The following LRRFIP1 variants were observed in gnomAD, a reference collection of about 807,000 sequenced individuals.
The protein encoded by LRRFIP1 is leucine-rich repeat flightless-interacting protein 1.
A neutral mutation model predicts 104.4 loss-of-function variants in LRRFIP1; 62 were observed. The ratio of observed to expected loss-of-function variants is 0.59; its 90% CI spans 0.48 to 0.73. The LOEUF is 0.73. LRRFIP1 is among the 30% of genes least tolerant of loss of function. LRRFIP1 has a pLI of 0.00. For synonymous variants in LRRFIP1, 300 were observed against 299.0 expected, an observed-to-expected ratio of 1.00 and a Z score of -0.03; for missense variants, 796 against 824.5, an observed-to-expected ratio of 0.97 and a Z score of 0.42.
At chr2:237,774,973 C>T (rs186984159) in intron 23 of LRRFIP1, among the ~76,000 whole-genome samples, 12 of 152,384 alleles carry the variant, frequency 7.9e-5, no homozygotes, top group African/African-American at 2.6e-4. Flanking sequence ...AAAACACATA[C>T]TTTACCTTAC....
At chr2:237,774,113 ACCAC>A in intron 22 of LRRFIP1, 1 of 470,072 alleles carries the variant, frequency 2.1e-6, no homozygotes, top group Non-Finnish European at 3.8e-6. Flanking sequence ...CACTGCAGAA[ACCAC>A]CCTGGTGGAC....
intron 1 of LRRFIP1, among the ~76,000 whole-genome samples, chr2:237,656,780 A>C (rs1241943517): frequency 6.6e-6 from 1 of 152,250 alleles, no homozygotes; most frequent in African/African-American, 2.4e-5. Context: ...CTAGACAAAA[A>C]TTAAATGTGC....
At chr2:237,642,055 G>T (rs186206774) in intron 1 of LRRFIP1, among the ~76,000 whole-genome samples, 2 of 152,318 alleles carry the variant, frequency 1.3e-5, no homozygotes, top group East Asian at 3.9e-4. Context: ...GGTCAGCATT[G>T]GGTGCTGCGG....
At chr2:237,760,640 T>A (rs2059760628) in intron 19 of LRRFIP1, among the ~76,000 whole-genome samples, 1 of 152,204 alleles carries the variant, frequency 6.6e-6, no homozygotes, top group Non-Finnish European at 1.5e-5. Context: ...TTGGCCATAT[T>A]TGCAAGCCAA....
chr2:237,739,426 AT>A, intron 11 of LRRFIP1, 117 bp downstream of exon 11: 2 of 917,988 alleles, frequency 2.2e-6, no homozygotes, highest in Non-Finnish European at 3.2e-6. Flanking sequence ...TATTATTAGG[AT>A]TACATTGCTC....
intron 17 of LRRFIP1, among the ~76,000 whole-genome samples, chr2:237,757,818 G>A (rs897239783): frequency 3.3e-5 from 5 of 152,076 alleles, no homozygotes; most frequent in African/African-American, 7.2e-5. Flanking sequence ...TGGCTGGGCC[G>A]GGCCGGTGGT....
intron 1 of LRRFIP1, among the ~76,000 whole-genome samples, chr2:237,641,098 T>C (rs2083890787): frequency 6.6e-6 from 1 of 151,990 alleles, no homozygotes; most frequent in Non-Finnish European, 1.5e-5. Flanking sequence ...TCATCAATAA[T>C]ATTCTTTTAA....
intron 8 of LRRFIP1, among the ~76,000 whole-genome samples, chr2:237,730,191 CAG>C (rs776318166): frequency 3.9e-5 from 6 of 152,088 alleles, no homozygotes; most frequent in Non-Finnish European, 7.4e-5. Flanking sequence ...TTTCTGAAAA[CAG>C]AACTACTTTG....
intron 11 of LRRFIP1, among the ~76,000 whole-genome samples, chr2:237,743,946 C>T (rs1213226444): frequency 6.6e-6 from 1 of 152,174 alleles, no homozygotes; most frequent in East Asian, 1.9e-4. Context: ...AGGAATGTCC[C>T]AAGGGCAGCC....
chr2:237,728,545 G>A (rs76070834), intron 8 of LRRFIP1, among the ~76,000 whole-genome samples: 335 of 151,658 alleles, frequency 2.2e-3, no homozygotes, highest in Middle Eastern at 0.014. Context: ...GGGTGGGGAG[G>A]GCTTTGGATT....
chr2:237,741,736 A>G (rs57366629), intron 11 of LRRFIP1, among the ~76,000 whole-genome samples: 7,384 of 152,126 alleles, frequency 0.049, 197 homozygotes, highest in Middle Eastern at 0.13. Flanking sequence ...GCTGAGGCTG[A>G]AGAATCACTT....
chr2:237,677,621 A>C (rs892972402), intron 1 of LRRFIP1, among the ~76,000 whole-genome samples: 11 of 152,214 alleles, frequency 7.2e-5, no homozygotes, highest in African/African-American at 2.7e-4. Flanking sequence ...GCAAGAATCC[A>C]ATCTCTACCC....
At chr2:237,699,364 T>C (rs1266509622) in intron 1 of LRRFIP1, among the ~76,000 whole-genome samples, 1 of 151,756 alleles carries the variant, frequency 6.6e-6, no homozygotes, top group Admixed American at 6.5e-5. Flanking sequence ...TTTTTTTCTT[T>C]TTTTTTGAGA....
intron 1 of LRRFIP1, among the ~76,000 whole-genome samples, chr2:237,647,008 G>A (rs2085028995): frequency 6.6e-6 from 1 of 151,972 alleles, no homozygotes; most frequent in African/African-American, 2.4e-5. Flanking sequence ...TACATTTACT[G>A]TAATGTTCAG....
rs191317917 is a variant in LRRFIP1, at chr2:237,733,815, C to T, written c.486C>T (p.Tyr162=). The change falls in exon 9 of 24, where the codon TAC becomes TAT. Residue 162 remains tyrosine (Y), a synonymous_variant. Transcript: ENST00000308482. Reference sequence around the variant, plus strand: ...GCGCTGCCCGGCCTTCGGGGAGTTACCGGGTGCGTGTGCTGCCCACCCTGC... The same window carrying T: ...GCGCTGCCCGGCCTTCGGGGAGTTATCGGGTGCGTGTGCTGCCCACCCTGC... ...LYSAARPSGS[Y]RASVLDEGSF... is the part of the protein sequence containing the mutation. The T allele has an allele frequency of 9.4e-4, 1,518 of 1,614,026 alleles. 7 individuals carry two copies. The African/African-American group carries it at 0.015, about 16-fold the overall frequency.
intron 11 of LRRFIP1, among the ~76,000 whole-genome samples, chr2:237,745,824 C>T (rs2057770296): frequency 1.3e-5 from 2 of 152,200 alleles, no homozygotes; most frequent in Admixed American, 6.5e-5. Flanking sequence ...AAACATGCCA[C>T]AGGCTTTTCA....
At chr2:237,733,708 T>C in intron 8 of LRRFIP1, 66 bp from the exon 9 acceptor site, 1 of 1,491,118 alleles carries the variant, frequency 6.7e-7, no homozygotes, top group African/African-American at 1.4e-5. Context: ...CGTGATGGCC[T>C]TTTGCTGTCA....
chr2:237,779,043 A>G (rs1225573387), intron 23 of LRRFIP1, among the ~76,000 whole-genome samples: 2 of 152,160 alleles, frequency 1.3e-5, no homozygotes, highest in Admixed American at 1.3e-4. Flanking sequence ...CCAACATGGC[A>G]AAACCCCGTC....
chr2:237,672,041 A>G (rs1418154964), intron 1 of LRRFIP1, among the ~76,000 whole-genome samples: 1 of 151,902 alleles, frequency 6.6e-6, no homozygotes, highest in Non-Finnish European at 1.5e-5. Flanking sequence ...ATACAGTATC[A>G]TTCTTTTCAA....
Sources: gnomAD v4.1 joint callset for allele counts (sites outside exome capture counted in the v4.1 genomes callset) on GRCh38, gnomAD v4.1.1 for gene constraint, MANE v1.5 for transcripts, NCBI Gene and HGNC (gene_info 2026-07-23, HGNC 2026-07-21) for gene names.